Variants in SMYD3 observed in about 807,000 individuals in gnomAD.
SMYD3 encodes the protein SET and MYND domain containing 3, also known as histone-lysine N-methyltransferase SMYD3.
SMYD3 carries 36 observed loss-of-function variants against 57.7 expected under a neutral mutation model. The observed-to-expected ratio is 0.62, with a 90% CI of 0.48 to 0.82. SMYD3 has a LOEUF of 0.82. SMYD3 is among the 40% of genes least tolerant of loss of function. SMYD3 has a pLI of 0.00. For missense variants in SMYD3, 515 were observed against 538.8 expected (o/e 0.96, Z 0.44); for synonymous variants, 211 against 195.0 (o/e 1.08, Z -0.68).
At chr1:246,213,633 C>T (rs945781272) in intron 5 of SMYD3, among the ~76,000 whole-genome samples, 1 of 152,174 alleles carries the variant, frequency 6.6e-6, no homozygotes, top group Non-Finnish European at 1.5e-5. Flanking sequence ...ACTGCACTTC[C>T]ACGCCAGGAC....
intron 5 of SMYD3, among the ~76,000 whole-genome samples, chr1:246,317,428 A>G (rs986338766): frequency 1.3e-5 from 2 of 152,296 alleles, no homozygotes; most frequent in Admixed American, 6.5e-5. Context: ...CAGAGGCCAA[A>G]TCTGGCCCAC....
intron 10 of SMYD3, among the ~76,000 whole-genome samples, chr1:245,825,096 T>G: frequency 6.6e-6 from 1 of 152,248 alleles, no homozygotes. Context: ...GGAATGGACG[T>G]GTTACTCTCA....
At chr1:246,123,295 T>C (rs4654206) in intron 5 of SMYD3, among the ~76,000 whole-genome samples, 119,317 of 151,974 alleles carry the variant, frequency 0.79, 47,019 homozygotes, top group Admixed American at 0.86. Context: ...TGGCCCTGCA[T>C]GGTGGCTCAC....
intron 5 of SMYD3, among the ~76,000 whole-genome samples, chr1:246,165,608 G>A (rs953996757): frequency 1.3e-5 from 2 of 152,144 alleles, no homozygotes; most frequent in African/African-American, 2.4e-5. Context: ...TATAGCCTCA[G>A]GCCAGGAAAA....
intron 5 of SMYD3, among the ~76,000 whole-genome samples, chr1:246,028,589 A>G (rs1011962820): frequency 2.0e-5 from 3 of 152,234 alleles, no homozygotes; most frequent in African/African-American, 7.2e-5. Flanking sequence ...AAGAGAATAC[A>G]AACAAATGGA....
chr1:246,110,336 A>C (rs1333583307), intron 5 of SMYD3, among the ~76,000 whole-genome samples: 1 of 152,228 alleles, frequency 6.6e-6, no homozygotes, highest in African/African-American at 2.4e-5. Context: ...CCCCATTGTT[A>C]GGTCCAGGGT....
At chr1:246,099,010 T>C (rs542830703) in intron 5 of SMYD3, among the ~76,000 whole-genome samples, 9 of 152,326 alleles carry the variant, frequency 5.9e-5, no homozygotes, top group African/African-American at 9.6e-5. Flanking sequence ...CTCCCACCCT[T>C]TTCCAGCCAA....
chr1:246,494,888 A>T (rs1200082158), intron 1 of SMYD3, among the ~76,000 whole-genome samples: 1 of 152,230 alleles, frequency 6.6e-6, no homozygotes, highest in Non-Finnish European at 1.5e-5. Flanking sequence ...CTGAACATGC[A>T]GAATTATTTA....
intron 8 of SMYD3, among the ~76,000 whole-genome samples, chr1:245,896,405 A>AAAT (rs1290411559): frequency 6.6e-6 from 1 of 151,648 alleles, no homozygotes; most frequent in Non-Finnish European, 1.5e-5. Flanking sequence ...AAAAAAAAAA[A>AAAT]ACAGGCAATG....
At chr1:246,218,503 C>T (rs971507642) in intron 5 of SMYD3, among the ~76,000 whole-genome samples, 4 of 152,068 alleles carry the variant, frequency 2.6e-5, no homozygotes, top group African/African-American at 9.7e-5. Flanking sequence ...CGGCTGTAGT[C>T]CCAGCTACTC....
chr1:245,936,236 C>A (rs1490047108), intron 5 of SMYD3, among the ~76,000 whole-genome samples: 1 of 152,116 alleles, frequency 6.6e-6, no homozygotes, highest in African/African-American at 2.4e-5. Flanking sequence ...AATGATAATT[C>A]TATAAATTTG....
intron 1 of SMYD3, among the ~76,000 whole-genome samples, chr1:246,491,559 A>AGAG (rs61561360): frequency 1.5e-4 from 22 of 148,366 alleles, no homozygotes; most frequent in African/African-American, 5.2e-4. Flanking sequence ...AAAAAAAAAA[A>AGAG]AGAGAGAGAA....
chr1:245,918,929 A>C (rs964210597), intron 7 of SMYD3, among the ~76,000 whole-genome samples: 3 of 152,186 alleles, frequency 2.0e-5, no homozygotes, highest in African/African-American at 7.2e-5. Flanking sequence ...TCATGCCAGA[A>C]AAAAATGTGC....
At chr1:245,955,918 T>C in intron 5 of SMYD3, 1 of 980,498 alleles carries the variant, frequency 1.0e-6, no homozygotes, top group South Asian at 4.7e-5. Context: ...TAAGATTCAT[T>C]TATGTTGATG....
intron 5 of SMYD3, among the ~76,000 whole-genome samples, chr1:246,305,553 C>T (rs988878789): frequency 2.0e-5 from 3 of 152,008 alleles, no homozygotes; most frequent in Non-Finnish European, 2.9e-5. Context: ...AGAGGGATAA[C>T]GTGACACCAT....
At chr1:246,149,281 A>G (rs2148148191) in intron 5 of SMYD3, among the ~76,000 whole-genome samples, 1 of 152,310 alleles carries the variant, frequency 6.6e-6, no homozygotes, top group East Asian at 1.9e-4. Flanking sequence ...CTTGTCTGAG[A>G]CACCTAGCTA....
intron 5 of SMYD3, among the ~76,000 whole-genome samples, chr1:246,235,116 A>G (rs780709345): frequency 1.6e-4 from 25 of 152,216 alleles, no homozygotes; most frequent in Non-Finnish European, 3.2e-4. Flanking sequence ...GTAAAAACTA[A>G]AAGTCAAACA....
intron 5 of SMYD3, among the ~76,000 whole-genome samples, chr1:245,981,643 A>G (rs938728871): frequency 3.3e-5 from 5 of 152,244 alleles, no homozygotes; most frequent in Admixed American, 6.5e-5. Context: ...TCTAAAAGAA[A>G]AAGTCCAATC....
At chr1:246,298,484 T>G (rs2064835438) in intron 5 of SMYD3, among the ~76,000 whole-genome samples, 2 of 152,114 alleles carry the variant, frequency 1.3e-5, no homozygotes, top group Non-Finnish European at 2.9e-5. Flanking sequence ...TCAATACAAT[T>G]TAAGTGTTAT....
Sources: gnomAD v4.1 joint callset for allele counts (sites outside exome capture counted in the v4.1 genomes callset) on GRCh38, gnomAD v4.1.1 for gene constraint, MANE v1.5 for transcripts, NCBI Gene and HGNC (gene_info 2026-07-23, HGNC 2026-07-21) for gene names.